Variants in NOX1 observed in about 807,000 individuals in gnomAD.
The protein encoded by NOX1 is NADPH oxidase 1.
Under a neutral mutation model 42.5 loss-of-function variants are expected in NOX1, and 34 were observed. The ratio of observed to expected loss-of-function variants is 0.80; its 90% confidence interval spans 0.61 to 1.07. The LOEUF (loss-of-function observed/expected upper bound fraction) is 1.07, where lower values mean the gene tolerates loss of function less well. NOX1 is among the 50% of genes least tolerant of loss of function. NOX1 has a pLI of 0.00. For missense variants in NOX1, 408 were observed against 427.0 expected (o/e 0.96, Z 0.39); for synonymous variants, 143 against 152.5 (o/e 0.94, Z 0.46).
chrX:100,867,175 G>C (rs776254671), intron 2 of NOX1, among the ~76,000 whole-genome samples: 1 of 110,969 alleles, frequency 9.0e-6, no homozygotes, highest in African/African-American at 3.3e-5. Context: ...TGGGACTACA[G>C]GCGCTCGCCA....
chrX:100,868,165 A>G (rs1300219257), intron 2 of NOX1, among the ~76,000 whole-genome samples: 1 of 112,150 alleles, frequency 8.9e-6, no homozygotes, highest in Non-Finnish European at 1.9e-5. Flanking sequence ...ATGAACATTT[A>G]AAATGGAAAA....
At chrX:100,855,748 C>T (rs2085162425) in intron 7 of NOX1, 4 of 1,030,962 alleles carry the variant, frequency 3.9e-6, no homozygotes, top group East Asian at 6.1e-5. Context: ...CTGAAGTTTC[C>T]TCCACAACCA....
At chrX:100,864,625 G>T (rs184742069) in intron 2 of NOX1, among the ~76,000 whole-genome samples, 2 of 112,026 alleles carry the variant, frequency 1.8e-5, no homozygotes, top group Admixed American at 1.9e-4. Flanking sequence ...AGCAGTAGAA[G>T]CTGCTAGCAA....
chrX:100,855,234 T>C (rs766960065), intron 7 of NOX1: 100 of 509,991 alleles, frequency 2.0e-4, no homozygotes, highest in Middle Eastern at 1.1e-3. Flanking sequence ...TTGTAACCTG[T>C]AGCTTCTCTG....
chrX:100,854,975 C>A (rs180785429), intron 7 of NOX1, among the ~76,000 whole-genome samples: 250 of 109,903 alleles, frequency 2.3e-3, no homozygotes, highest in African/African-American at 8.0e-3. Flanking sequence ...GACATTTATT[C>A]AGTGTCATGA....
chrX:100,847,044 C>T (rs1264469822), intron 12 of NOX1, among the ~76,000 whole-genome samples: 3 of 111,956 alleles, frequency 2.7e-5, no homozygotes, highest in Non-Finnish European at 5.6e-5. Context: ...AAAAAATTAG[C>T]TGGATGTGGT....
intron 1 of NOX1, among the ~76,000 whole-genome samples, chrX:100,872,303 G>T (rs753243722): frequency 9.0e-6 from 1 of 111,251 alleles, no homozygotes; most frequent in African/African-American, 3.3e-5. Context: ...TTTCTGGATC[G>T]CAAAGAGACA....
intron 2 of NOX1, among the ~76,000 whole-genome samples, chrX:100,863,954 C>T (rs755807416): frequency 1.8e-5 from 2 of 109,912 alleles, no homozygotes; most frequent in African/African-American, 6.7e-5. Flanking sequence ...GTAAAAGAGT[C>T]CTAAGGATCA....
intron 1 of NOX1, among the ~76,000 whole-genome samples, chrX:100,871,551 T>G (rs1305610416): frequency 8.9e-6 from 1 of 112,291 alleles, no homozygotes; most frequent in East Asian, 2.8e-4. Context: ...TTTTTTCAAA[T>G]TAATCTATTT....
At chrX:100,856,423 G>C in intron 7 of NOX1, 1 of 468,209 alleles carries the variant, frequency 2.1e-6, no homozygotes, top group Non-Finnish European at 3.8e-6. Flanking sequence ...TTCTTCAGTG[G>C]CGTACACGGG....
chrX:100,855,727 C>T, intron 7 of NOX1: 1 of 1,021,377 alleles, frequency 9.8e-7, no homozygotes, highest in Non-Finnish European at 1.4e-6. Context: ...CCACCAAAGC[C>T]ACCATGACCA....
chrX:100,849,633 C>T, intron 10 of NOX1, 139 bp downstream of exon 10: 1 of 685,276 alleles, frequency 1.5e-6, no homozygotes, highest in Non-Finnish European at 2.2e-6. Context: ...AAGTGGATGT[C>T]CTGGCCAAGA....
intron 12 of NOX1, among the ~76,000 whole-genome samples, chrX:100,846,462 C>T (rs2085073813): frequency 9.0e-6 from 1 of 111,430 alleles, no homozygotes; most frequent in Non-Finnish European, 1.9e-5. Flanking sequence ...ATTTCCTGAC[C>T]CTGCTACTCT....
rs1226872890 is a variant in NOX1, at chrX:100,874,350, A to G, written c.-211T>C. 3 of 349,827 alleles carry G rather than the reference A, an allele frequency of 8.6e-6. No individual in the cohort carries two copies. Among genetic ancestry groups the G allele is most frequent in the Non-Finnish European group, 1.5e-5 (3 of 197,864 alleles). 28.8% of individuals were successfully genotyped at this position (349,827 alleles called of 1,213,427 possible). A position where few individuals can be genotyped will look rare whatever the true frequency, so the allele number is the denominator to read the frequency against. On this transcript the variant is annotated 5_prime_UTR_variant, in exon 1 of 13. Transcript: ENST00000372966. The stretch of plus-strand genomic sequence containing the variant: ...GGACAGAACTGTGCTATCAGCTTAG[A>G]TAGACCAGCCCTATCTATGAGAACC...
chrX:100,853,279 T>TC (rs1281432418), intron 7 of NOX1, among the ~76,000 whole-genome samples: 18 of 77,930 alleles, frequency 2.3e-4, no homozygotes, highest in African/African-American at 1.0e-4. Flanking sequence ...TCTTTCTTTC[T>TC]TTCTTTCTTT....
intron 3 of NOX1, 72 bp downstream of exon 3, chrX:100,863,413 G>T (rs2085219003): frequency 9.2e-7 from 1 of 1,087,361 alleles, no homozygotes; most frequent in African/African-American, 1.8e-5. Context: ...CATGGTGTTG[G>T]ACTGTCCTAC....
Position 100,861,188 on chromosome X carries a change from T to G in NOX1, c.804+983A>C, listed in dbSNP as rs1277165292. Among the ~76,000 whole-genome samples the G allele has an allele frequency of 6.2e-5, 7 of 112,075 alleles. No individual in the cohort carries two copies. The East Asian group carries it at 1.7e-3, about 27-fold the overall frequency. ...GTGCTTTTATGGTTTTTTTGCTTCA[T>G]GTATCCTCGATTCATATTTTAGTGC... On this transcript the variant is annotated intron_variant, in intron 7 of 12. Transcript: ENST00000372966.
intron 7 of NOX1, among the ~76,000 whole-genome samples, chrX:100,852,844 TAGTC>T (rs754824249): frequency 8.1e-4 from 91 of 112,381 alleles, no homozygotes; most frequent in Middle Eastern, 9.3e-3. Flanking sequence ...GCCTCAGAAA[TAGTC>T]AGAGTAATAA....
In NOX1 at chrX:100,844,047, G is replaced by A. The variant is rs777881621; in HGVS notation, c.1600C>T (p.Arg534Trp). Residue 534 changes from arginine (R) to tryptophan (W), a missense_variant, in exon 13 of 13, where the codon CGG becomes TGG. Coordinates refer to ENST00000372966, the MANE Select transcript of NOX1 (RefSeq NM_007052.5). Reference sequence around the variant, plus strand: ...TTGCGCAGGCTCTTTGCCAAAGTCCGAGGGCCACATAAGAAAACTCCCACT... The same window carrying A: ...TTGCGCAGGCTCTTTGCCAAAGTCCAAGGGCCACATAAGAAAACTCCCACT... Reference protein sequence around the residue: ...SVVGVFLCGPRTLAKSLRKCC... With the variant: ...SVVGVFLCGPWTLAKSLRKCC... The A allele has an allele frequency of 4.8e-5, 58 of 1,197,617 alleles. No homozygotes were observed. Among genetic ancestry groups the A allele is most frequent in the Middle Eastern group, 2.3e-4 (1 of 4,356 alleles).
Sources: gnomAD v4.1 joint callset for allele counts (sites outside exome capture counted in the v4.1 genomes callset) on GRCh38, gnomAD v4.1.1 for gene constraint, MANE v1.5 for transcripts, NCBI Gene and HGNC (gene_info 2026-07-23, HGNC 2026-07-21) for gene names.